The following CHD6 variants were observed in gnomAD, a reference collection of about 807,000 sequenced individuals.
CHD6 encodes the protein chromodomain helicase DNA binding protein 6, also known as ATP-dependent chromatin remodeler CHD6.
CHD6 carries 50 observed loss-of-function variants against 276.9 expected under a neutral mutation model. The observed-to-expected ratio is 0.18, with a 90% CI of 0.14 to 0.23. The LOEUF is 0.23. CHD6 is among the 10% of genes least tolerant of loss of function. CHD6 has a pLI of 1.00. For missense variants in CHD6, 2,564 were observed against 3,365.8 expected (o/e 0.76, Z 5.89); for synonymous variants, 1,173 against 1,229.3 (o/e 0.95, Z 0.96).
chr20:41,452,835 G>T lies in CHD6; in HGVS notation c.3228C>A (p.Asp1076Glu). 1.2e-6 allele frequency: 2 copies of T among 1,613,316 alleles called. No individual in the cohort carries two copies. Among genetic ancestry groups the T allele is most frequent in the East Asian group, 2.2e-5 (1 of 44,832 alleles). Residue 1076 changes from aspartate (D) to glutamate (E), a missense_variant, in exon 21 of 37, where the codon GAC becomes GAA. Coordinates refer to ENST00000373233, the MANE Select transcript of CHD6 (RefSeq NM_032221.5). This position sits in a 1 kb window ranked among gnomAD's most constrained non-coding sequence, Gnocchi z 4.2. ...MEFSELDSDS[D>E]ERPTRSRRLN... ...GGCGCCTGGATCTCGTGGGCCTTTC[G>T]TCTGAGTCGCTGTCTAACTCTGAAA...
rs138744855 is a variant in CHD6, at chr20:41,501,255, A to T, written c.853-1898T>A. On this transcript the variant is annotated intron_variant, in intron 5 of 36. Coordinates refer to ENST00000373233, the MANE Select transcript of CHD6 (RefSeq NM_032221.5). ...GAAGGAACTATCAGGCATGCTAACAAAATGCTTAGTTACTGAGGTATGGCA... is the reference window on the plus strand; with the variant it reads ...GAAGGAACTATCAGGCATGCTAACATAATGCTTAGTTACTGAGGTATGGCA... 6.3e-3 allele frequency among the ~76,000 whole-genome samples: 965 copies of T among 152,328 alleles called. 11 individuals are homozygous for T. The highest frequency in any genetic ancestry group is 0.024 in the Middle Eastern group (7 of 294).
At chr20:41,515,968 G>C (rs973691546) in intron 3 of CHD6, among the ~76,000 whole-genome samples, 1 of 152,156 alleles carries the variant, frequency 6.6e-6, no homozygotes, top group African/African-American at 2.4e-5. Flanking sequence ...ACTGTGAATG[G>C]GGAGATTTGA....
chr20:41,522,920 C>T (rs1209914399), intron 3 of CHD6, among the ~76,000 whole-genome samples: 1 of 152,076 alleles, frequency 6.6e-6, no homozygotes, highest in African/African-American at 2.4e-5. Context: ...ATGACCCAGC[C>T]AGACTAATCT....
At chr20:41,535,393 T>G (rs1165814649) in intron 2 of CHD6, among the ~76,000 whole-genome samples, 1 of 152,186 alleles carries the variant, frequency 6.6e-6, no homozygotes, top group African/African-American at 2.4e-5. Context: ...AATGGAAGAT[T>G]AGTGATGTTA....
At chr20:41,603,356 A>G (rs568856616) in intron 1 of CHD6, among the ~76,000 whole-genome samples, 1 of 152,082 alleles carries the variant, frequency 6.6e-6, no homozygotes, top group South Asian at 2.1e-4. Flanking sequence ...AAGAAAAGAA[A>G]AAAACCTTTG....
chr20:41,494,157 C>T (rs961497704), intron 8 of CHD6, among the ~76,000 whole-genome samples: 5 of 152,226 alleles, frequency 3.3e-5, no homozygotes, highest in Non-Finnish European at 7.3e-5. Context: ...ATCTTAGTGG[C>T]TACACCCTAG....
In CHD6 at chr20:41,497,428, G is replaced by A. The variant is rs771505887; in HGVS notation, c.1048C>T (p.Arg350Ter). 6.2e-7 allele frequency: 1 copy of A among 1,613,754 alleles called. No individual in the cohort carries two copies. Among genetic ancestry groups the A allele is most frequent in the Non-Finnish European group, 8.5e-7 (1 of 1,179,768 alleles). The change falls in exon 8 of 37, where the codon CGA becomes TGA. Residue 350 changes from arginine to a stop codon, truncating the protein, a stop_gained. Transcript: ENST00000373233. LOFTEE classifies it high-confidence loss of function. ...KDPRIAQKIK[R>*]FRNKQAQMKH... ...ATCTGGGCTTGTTTATTCCTAAATC[G>A]CTTGATCTTCTGTGCGATGCGAGGA... is the stretch of plus-strand genomic sequence containing the variant.
chr20:41,534,150 G>A (rs924397340), intron 2 of CHD6, among the ~76,000 whole-genome samples: 1 of 152,206 alleles, frequency 6.6e-6, no homozygotes, highest in African/African-American at 2.4e-5. Flanking sequence ...CACAGCTAAG[G>A]TTGGTGATAG....
chr20:41,517,016 C>T (rs1228777232), intron 3 of CHD6, among the ~76,000 whole-genome samples: 2 of 152,150 alleles, frequency 1.3e-5, no homozygotes, highest in Non-Finnish European at 1.5e-5. Flanking sequence ...CAGTGCTGAT[C>T]GCTCAATCTG....
At chr20:41,472,619 C>T (rs920374596) in intron 17 of CHD6, among the ~76,000 whole-genome samples, 2 of 152,260 alleles carry the variant, frequency 1.3e-5, no homozygotes, top group East Asian at 1.9e-4. Flanking sequence ...GCTGACTTCG[C>T]GTCCCATATA....
intron 14 of CHD6, chr20:41,485,846 C>T (rs1398791594): frequency 6.6e-6 from 1 of 152,004 alleles, no homozygotes; most frequent in African/African-American, 2.4e-5. Context: ...TTTGAATGTT[C>T]TCACAAAAAG....
At chr20:41,611,685 TGATCTCAGTTCACTG>T (rs1260765170) in intron 1 of CHD6, among the ~76,000 whole-genome samples, 1 of 152,060 alleles carries the variant, frequency 6.6e-6, no homozygotes, top group African/African-American at 2.4e-5. Flanking sequence ...TGCGATGGCG[TGATCTCAGTTCACTG>T]GATCTCAGTT....
intron 1 of CHD6, among the ~76,000 whole-genome samples, chr20:41,561,911 A>AT (rs1342997186): frequency 6.6e-6 from 1 of 152,108 alleles, no homozygotes. Flanking sequence ...CCTTGGGGCT[A>AT]TTTTCACCCA....
At chr20:41,448,110 AAAAAC>A (rs66617258) in intron 23 of CHD6, 139 bp from the exon 24 acceptor site, 56,217 of 488,838 alleles carry the variant, frequency 0.12, 4,117 homozygotes, top group Non-Finnish European at 0.15. Context: ...AAGGCACTAG[AAAAAC>A]AAAACATTAT....
chr20:41,612,984 A>G (rs191911635), intron 1 of CHD6, among the ~76,000 whole-genome samples: 2 of 152,168 alleles, frequency 1.3e-5, no homozygotes, highest in African/African-American at 2.4e-5. Flanking sequence ...TCATTACTCT[A>G]ATATTGTTTT....
At chr20:41,530,286 G>T (rs918562333) in intron 3 of CHD6, among the ~76,000 whole-genome samples, 7 of 152,192 alleles carry the variant, frequency 4.6e-5, no homozygotes, top group Non-Finnish European at 8.8e-5. Flanking sequence ...CACCACTGTT[G>T]CCAACATAAA....
intron 3 of CHD6, among the ~76,000 whole-genome samples, chr20:41,519,349 A>T (rs972316000): frequency 6.6e-5 from 10 of 152,232 alleles, no homozygotes; most frequent in African/African-American, 1.4e-4. Flanking sequence ...TACATATGCA[A>T]ATAATCTTTG....
At chr20:41,509,791 GAA>G in intron 5 of CHD6, among the ~76,000 whole-genome samples, 1 of 152,298 alleles carries the variant, frequency 6.6e-6, no homozygotes, top group South Asian at 2.1e-4. Context: ...CAAAGAATAA[GAA>G]AATAAAGAGT....
rs528803089 is a variant in CHD6 at position 41,540,639 on chromosome 20, AC to A, written c.34-7070del. 5.3e-4 allele frequency among the ~76,000 whole-genome samples: 81 copies of A among 152,230 alleles called. 1 individual carries two copies. In the South Asian group the frequency reaches 0.013, roughly 25 times the overall value. On this transcript the variant is annotated intron_variant, in intron 2 of 36. Transcript: ENST00000373233. The stretch of plus-strand genomic sequence containing the variant: ...ACCTGGGCTGGAAAGGCCACCACAA[AC>A]CCTTCATCCAGCTGTGCTTCCTTGC...
Sources: gnomAD v4.1 joint callset for allele counts (sites outside exome capture counted in the v4.1 genomes callset) on GRCh38, gnomAD v4.1.1 for gene constraint, Gnocchi (gnomAD v3.1) non-coding constraint, MANE v1.5 for transcripts, NCBI Gene and HGNC (gene_info 2026-07-23, HGNC 2026-07-21) for gene names.